CPB2: variants seen among roughly 807,000 people sequenced by gnomAD.
CPB2 encodes carboxypeptidase B2, also known as carboxypeptidase B-like protein.
A neutral mutation model predicts 57.0 loss-of-function variants in CPB2; 54 were observed. That is an observed-to-expected ratio of 0.95 (90% CI 0.76 to 1.19). The LOEUF is 1.19. CPB2 is among the 50% of genes most tolerant of loss of function. The probability of loss-of-function intolerance (pLI) is 0.00; values close to 1 mark genes in which losing one functional copy is unlikely to be tolerated. For missense variants in CPB2, 426 were observed against 512.0 expected (o/e 0.83, Z 1.62); for synonymous variants, 189 against 178.1 (o/e 1.06, Z -0.49).
intron 1 of CPB2, among the ~76,000 whole-genome samples, chr13:46,096,874 C>G (rs577135927): frequency 6.6e-5 from 10 of 152,300 alleles, no homozygotes; most frequent in Admixed American, 5.9e-4. Flanking sequence ...ATAGGCAGAG[C>G]TTCAGTGTTG....
intron 1 of CPB2, chr13:46,100,815 T>C (rs2045425402): frequency 6.6e-6 from 1 of 152,144 alleles, no homozygotes; most frequent in African/African-American, 2.4e-5. Flanking sequence ...GCAAGACTCT[T>C]AGCGGGGAAG....
intron 1 of CPB2, chr13:46,100,125 G>A (rs1054223133): frequency 6.6e-6 from 1 of 151,888 alleles, no homozygotes; most frequent in Non-Finnish European, 1.5e-5. Context: ...ATAAAAATTA[G>A]TCAACAAGCA....
chr13:46,058,488 T>C, intron 8 of CPB2, 107 bp from the exon 9 acceptor site: 1 of 886,580 alleles, frequency 1.1e-6, no homozygotes, highest in Non-Finnish European at 1.8e-6. Flanking sequence ...CACTTTTAGA[T>C]GAATGGATTA....
chr13:46,082,444 A>C lies in CPB2; in HGVS notation c.381T>G (p.Asn127Lys). 2 of 1,588,170 alleles carry C rather than the reference A, an allele frequency of 1.3e-6. No homozygotes were observed. Among genetic ancestry groups the C allele is most frequent in the Non-Finnish European group, 1.7e-6 (2 of 1,159,668 alleles). Residue 127 changes from asparagine (N) to lysine (K), a missense_variant, in exon 4 of 11, where the codon AAT becomes AAG. Asn to Lys is a moderately conservative substitution (Grantham distance 94). Coordinates refer to ENST00000181383, the MANE Select transcript of CPB2 (RefSeq NM_001872.5). ...GAAGAGCTGTGTGATGGCTTACTTCATTTAGTGAGTGATACTGTTCATAGT... is the reference window on the plus strand; with the variant it reads ...GAAGAGCTGTGTGATGGCTTACTTCCTTTAGTGAGTGATACTGTTCATAGT... Reference protein sequence around the residue: ...ASYYEQYHSLNEIYSWIEFIT... With the variant: ...ASYYEQYHSLKEIYSWIEFIT...
At chr13:46,091,725 A>G (rs183783394) in intron 1 of CPB2, among the ~76,000 whole-genome samples, 49 of 152,354 alleles carry the variant, frequency 3.2e-4, no homozygotes, top group African/African-American at 1.2e-3. Context: ...TAAGGTTGTG[A>G]GAATTCTTGG....
chr13:46,104,357 G>T (rs2045469484), intron 1 of CPB2, among the ~76,000 whole-genome samples: 1 of 152,164 alleles, frequency 6.6e-6, no homozygotes, highest in African/African-American at 2.4e-5. Flanking sequence ...TCCATGCATT[G>T]CATGTGCTAT....
rs1434524520 is a variant in CPB2, at chr13:46,078,843, T to G, written c.443A>C (p.His148Pro). 1 of 1,612,462 alleles carries G rather than the reference T, an allele frequency of 6.2e-7. No individual in the cohort carries two copies. Among genetic ancestry groups the G allele is most frequent in the Non-Finnish European group, 8.5e-7 (1 of 1,178,734 alleles). The part of the protein sequence containing the change: ...ERHPDMLTKI[H>P]IGSSFEKYPL... ...GTACTTCTCAAATGAGGATCCAATGTGGATTTTTGTAAGCATATCAGGATG... is the reference window on the plus strand; with the variant it reads ...GTACTTCTCAAATGAGGATCCAATGGGGATTTTTGTAAGCATATCAGGATG... Residue 148 changes from histidine (H) to proline (P), a missense_variant, in exon 5 of 11, where the codon CAC becomes CCC. By Grantham distance (77) the His-to-Pro change is moderately conservative (BLOSUM62 -2). Coordinates refer to ENST00000181383, the MANE Select transcript of CPB2 (RefSeq NM_001872.5).
Position 46,059,577 on chromosome 13 carries a change from TATCATCATCATCATC to T in CPB2, c.797-1211_797-1197del, listed in dbSNP as rs10571812. ...TATGCATTTCATAACTGTTGCTGTT[TATCATCATCATCATC>T]ATCATCATCATCATCATCATCATCA... On this transcript the variant is annotated intron_variant, in intron 8 of 10. Transcript: ENST00000181383. Among the ~76,000 whole-genome samples the T allele has an allele frequency of 1.9e-4, 28 of 150,138 alleles. No individual in the cohort carries two copies. The South Asian group carries it at 2.3e-3, about 13-fold the overall frequency.
intron 3 of CPB2, among the ~76,000 whole-genome samples, chr13:46,083,612 G>T (rs937740692): frequency 3.3e-5 from 5 of 152,148 alleles, no homozygotes; most frequent in Middle Eastern, 3.2e-3. Context: ...AGCAGAAATT[G>T]TACCTGATAC....
At chr13:46,077,860 C>T (rs1257299887) in intron 5 of CPB2, among the ~76,000 whole-genome samples, 3 of 151,384 alleles carry the variant, frequency 2.0e-5, no homozygotes, top group Admixed American at 6.6e-5. Flanking sequence ...ACTACATGTT[C>T]TCACTGATAT....
intron 3 of CPB2, 119 bp from the exon 4 acceptor site, chr13:46,082,668 G>A (rs1335963825): frequency 8.7e-6 from 5 of 577,936 alleles, no homozygotes; most frequent in Non-Finnish European, 1.2e-5. Context: ...AACTTCATAA[G>A]CATTTCATCA....
chr13:46,067,225 C>A, intron 7 of CPB2, 82 bp downstream of exon 7: 2 of 665,988 alleles, frequency 3.0e-6, no homozygotes, highest in Non-Finnish European at 2.6e-6. Flanking sequence ...GTGCCTAGAT[C>A]CAGAATTCTA....
chr13:46,104,821 C>A (rs1411382818), intron 1 of CPB2, 115 bp downstream of exon 1: 1 of 1,202,180 alleles, frequency 8.3e-7, no homozygotes, highest in Non-Finnish European at 1.2e-6. Flanking sequence ...TTCTGAAAGA[C>A]CTGGCCTTCA....
Position 46,067,511 on chromosome 13 carries a change from T to C in CPB2, c.592-94A>G, listed in dbSNP as rs3783203. The stretch of plus-strand genomic sequence containing the variant: ...CTTTTTTTTAATTTGTCATTTGGCA[T>C]GTTTAGATTTGCAGATTTAACTTTC... On this transcript the variant is annotated intron_variant, in intron 6 of 10. Transcript: ENST00000181383. 520 of 672,266 alleles carry C rather than the reference T, an allele frequency of 7.7e-4. 5 individuals are homozygous for C. The East Asian group carries it at 0.014, about 18-fold the overall frequency. 41.6% of individuals were successfully genotyped at this position (672,266 alleles called of 1,614,324 possible). A position where few individuals can be genotyped will look rare whatever the true frequency, so the allele number is the denominator to read the frequency against.
At chr13:46,086,825 C>T (rs1593910294) in intron 2 of CPB2, among the ~76,000 whole-genome samples, 1 of 152,238 alleles carries the variant, frequency 6.6e-6, no homozygotes, top group Non-Finnish European at 1.5e-5. Context: ...CGTCAGTACC[C>T]AAAGTCCAGA....
At chr13:46,063,088 T>G (rs2044799206) in intron 8 of CPB2, among the ~76,000 whole-genome samples, 1 of 152,216 alleles carries the variant, frequency 6.6e-6, no homozygotes, top group Non-Finnish European at 1.5e-5. Context: ...TCGTAGCTGT[T>G]TCTGAAATGT....
At chr13:46,082,637 G>A (rs2045136978) in intron 3 of CPB2, 88 bp from the exon 4 acceptor site, 4 of 730,634 alleles carry the variant, frequency 5.5e-6, no homozygotes, top group Admixed American at 2.4e-5. Flanking sequence ...AGGTGAGCAT[G>A]AAGAAAAAAA....
chr13:46,079,446 C>G (rs188888552), intron 4 of CPB2, among the ~76,000 whole-genome samples: 5 of 150,836 alleles, frequency 3.3e-5, no homozygotes, highest in Admixed American at 1.3e-4. Context: ...AATTATCCCC[C>G]CAAGAAGTAG....
intron 8 of CPB2, among the ~76,000 whole-genome samples, chr13:46,061,953 G>C (rs1346161434): frequency 6.6e-6 from 1 of 151,244 alleles, no homozygotes; most frequent in East Asian, 1.9e-4. Flanking sequence ...TCACTGTCTT[G>C]CTTACATAGT....
Sources: allele counts gnomAD v4.1 joint callset (sites outside exome capture counted in the v4.1 genomes callset), GRCh38; gene constraint gnomAD v4.1.1; transcripts MANE v1.5; gene names NCBI Gene and HGNC (gene_info 2026-07-23, HGNC 2026-07-21).